Variants in RAB10 observed in about 807,000 individuals in gnomAD.
The protein encoded by RAB10 is ras-related protein Rab-10.
In RAB10, 5 loss-of-function variants were observed where a neutral mutation model predicts 25.7. The ratio of observed to expected loss-of-function variants is 0.19; its 90% CI spans 0.10 to 0.41. RAB10 has a LOEUF of 0.41. Among genes scored for constraint, RAB10 ranks in the 10% least tolerant of loss-of-function variants. The pLI, the probability that RAB10 is intolerant of heterozygous loss-of-function variation, is 1.00. For missense variants in RAB10, 103 were observed against 245.8 expected (o/e 0.42, Z 3.89); for synonymous variants, 89 against 86.4 (o/e 1.03, Z -0.16).
intron 1 of RAB10, among the ~76,000 whole-genome samples, chr2:26,059,402 A>C (rs891323776): frequency 6.6e-6 from 1 of 152,218 alleles, no homozygotes; most frequent in Non-Finnish European, 1.5e-5. Flanking sequence ...AATGTACTAG[A>C]ATATAACTTC....
rs867893995 is a variant in RAB10, at chr2:26,071,008, A to G, written c.128-27654A>G. 5.9e-5 allele frequency among the ~76,000 whole-genome samples: 9 copies of G among 152,326 alleles called. No individual in the cohort carries two copies. The South Asian group carries it at 8.3e-4, about 14-fold the overall frequency. On this transcript the variant is annotated intron_variant, in intron 1 of 5. Transcript: ENST00000264710. Reference sequence around the variant, plus strand: ...GCTGACCTTAGCATGAATCAAGACAATGGAACCAAGCTGGACTAGTAGTCA... The same window carrying G: ...GCTGACCTTAGCATGAATCAAGACAGTGGAACCAAGCTGGACTAGTAGTCA...
chr2:26,116,135 G>A (rs762471747), intron 3 of RAB10, among the ~76,000 whole-genome samples: 4 of 151,998 alleles, frequency 2.6e-5, no homozygotes, highest in Non-Finnish European at 5.9e-5. Context: ...CCAAAGTGCT[G>A]GGATTACAGG....
intron 2 of RAB10, among the ~76,000 whole-genome samples, chr2:26,108,343 G>A (rs1307693035): frequency 6.6e-6 from 1 of 152,166 alleles, no homozygotes; most frequent in Non-Finnish European, 1.5e-5. Flanking sequence ...CCAGGATTAT[G>A]TGCAAAACTT....
intron 3 of RAB10, among the ~76,000 whole-genome samples, chr2:26,117,975 A>G (rs1574560275): frequency 6.6e-6 from 1 of 152,178 alleles, no homozygotes; most frequent in South Asian, 2.1e-4. Flanking sequence ...ATATAAAAAG[A>G]TGTTCTTTTT....
chr2:26,042,108 C>A (rs776722093), intron 1 of RAB10, among the ~76,000 whole-genome samples: 12 of 152,112 alleles, frequency 7.9e-5, no homozygotes, highest in Non-Finnish European at 1.6e-4. Flanking sequence ...TGGGCTGCTT[C>A]TATACTGGAT....
At chr2:26,053,463 T>C (rs1443941673) in intron 1 of RAB10, among the ~76,000 whole-genome samples, 2 of 152,244 alleles carry the variant, frequency 1.3e-5, no homozygotes, top group Non-Finnish European at 2.9e-5. Flanking sequence ...TGATGGATAC[T>C]ATTTTATAGA....
chr2:26,094,652 G>A (rs1293244422), intron 1 of RAB10, among the ~76,000 whole-genome samples: 4 of 152,056 alleles, frequency 2.6e-5, no homozygotes, highest in East Asian at 1.9e-4. Context: ...TGCGCCTCCC[G>A]GGTTCAAGCA....
At chr2:26,132,779 T>TA (rs1668036209) in intron 5 of RAB10, among the ~76,000 whole-genome samples, 1 of 137,228 alleles carries the variant, frequency 7.3e-6, no homozygotes, top group Non-Finnish European at 1.6e-5. Flanking sequence ...CCCTTTTTTT[T>TA]AAATCTGTTT....
chr2:26,050,990 C>G (rs1402310825), intron 1 of RAB10, among the ~76,000 whole-genome samples: 1 of 152,054 alleles, frequency 6.6e-6, no homozygotes, highest in Non-Finnish European at 1.5e-5. Context: ...GTGATCAGGG[C>G]TCTCTGCAGC....
chr2:26,060,196 GAAC>G (rs375964846), intron 1 of RAB10, among the ~76,000 whole-genome samples: 126 of 152,256 alleles, frequency 8.3e-4, no homozygotes, highest in African/African-American at 2.9e-3. Flanking sequence ...GGAAATTATT[GAAC>G]AACTGCTGTG....
intron 1 of RAB10, among the ~76,000 whole-genome samples, chr2:26,044,376 G>A (rs1432543648): frequency 6.6e-6 from 1 of 152,132 alleles, no homozygotes; most frequent in Non-Finnish European, 1.5e-5. Context: ...TTCAGTTGTT[G>A]AAGGCAGATT....
chr2:26,034,447 G>A lies in RAB10; in HGVS notation c.-162G>A. The stretch of plus-strand genomic sequence containing the variant: ...GGCACTGGACGCCGCCACTGTCGGG[G>A]CTTCCTCAAAGCTGTTCGTAGGTCG... On this transcript the variant is annotated 5_prime_UTR_variant, in exon 1 of 6. Transcript: ENST00000264710. The A allele has an allele frequency of 4.3e-6, 4 of 923,578 alleles. No homozygotes were observed. Among genetic ancestry groups the A allele is most frequent in the Non-Finnish European group, 6.3e-6 (4 of 630,988 alleles). The allele number at this position is 923,578 out of a possible 1,614,324, so 57.2% of individuals were successfully genotyped here.
intron 2 of RAB10, among the ~76,000 whole-genome samples, chr2:26,107,751 G>GTGCCAT (rs1313706432): frequency 2.6e-5 from 4 of 151,762 alleles, no homozygotes; most frequent in Non-Finnish European, 5.9e-5. Flanking sequence ...AGCCGAGACT[G>GTGCCAT]TGCCATTGCA....
At position 26,081,987 on chromosome 2, in the gene RAB10, G is replaced by A. The variant is rs567659683; in HGVS notation, c.128-16675G>A. On this transcript the variant is annotated intron_variant, in intron 1 of 5. Coordinates refer to ENST00000264710, the MANE Select transcript of RAB10 (RefSeq NM_016131.5). ...AAAAAAATTATTCCGGATGGAAATC[G>A]AAACTTACACAAAAGGAATGAAGAT... Among the ~76,000 whole-genome samples, 11 of 152,058 alleles carry A rather than the reference G, an allele frequency of 7.2e-5. No individual in the cohort carries two copies. In the East Asian group the frequency reaches 1.5e-3, roughly 21 times the overall value.
chr2:26,133,388 A>G (rs1235017903), intron 5 of RAB10, among the ~76,000 whole-genome samples: 1 of 152,156 alleles, frequency 6.6e-6, no homozygotes, highest in Non-Finnish European at 1.5e-5. Context: ...ATGTATATGA[A>G]GGTTAGGAAT....
intron 1 of RAB10, among the ~76,000 whole-genome samples, chr2:26,035,589 C>T (rs953070683): frequency 6.6e-6 from 1 of 152,136 alleles, no homozygotes; most frequent in African/African-American, 2.4e-5. Flanking sequence ...AGGAAAGTCC[C>T]TTTTGAATCT....
chr2:26,048,458 T>A (rs553607249), intron 1 of RAB10, among the ~76,000 whole-genome samples: 1 of 152,354 alleles, frequency 6.6e-6, no homozygotes, highest in South Asian at 2.1e-4. Context: ...TGCATTTTCC[T>A]GATTGCCAAA....
intron 1 of RAB10, among the ~76,000 whole-genome samples, chr2:26,051,601 A>T (rs1195610887): frequency 6.6e-6 from 1 of 151,426 alleles, no homozygotes; most frequent in Non-Finnish European, 1.5e-5. Context: ...AATACAAAAA[A>T]AAAAAAGCCG....
chr2:26,043,175 C>T (rs1665928269), intron 1 of RAB10, among the ~76,000 whole-genome samples: 1 of 152,108 alleles, frequency 6.6e-6, no homozygotes, highest in African/African-American at 2.4e-5. Context: ...GCCCGTAAAT[C>T]CCAGCACTTT....
Sources: gnomAD v4.1 joint callset for allele counts (sites outside exome capture counted in the v4.1 genomes callset) on GRCh38, gnomAD v4.1.1 for gene constraint, MANE v1.5 for transcripts, NCBI Gene and HGNC (gene_info 2026-07-23, HGNC 2026-07-21) for gene names.